The following PI4KA variants were observed in gnomAD, a reference collection of about 807,000 sequenced individuals.
The protein encoded by PI4KA is phosphatidylinositol 4-kinase alpha.
A neutral mutation model predicts 271.4 loss-of-function variants in PI4KA; 122 were observed. The observed-to-expected ratio is 0.45, with a 90% CI of 0.39 to 0.52. The LOEUF is 0.52. Among genes scored for constraint, PI4KA ranks in the 20% least tolerant of loss-of-function variants. The pLI is 0.00. For synonymous variants in PI4KA, 1,041 were observed against 1,078.8 expected, an observed-to-expected ratio of 0.96 and a Z score of 0.69; for missense variants, 1,969 against 2,769.1, an observed-to-expected ratio of 0.71 and a Z score of 6.48.
At chr22:20,765,925 G>A (rs142226928) in intron 19 of PI4KA, among the ~76,000 whole-genome samples, 4 of 152,188 alleles carry the variant, frequency 2.6e-5, no homozygotes, top group Admixed American at 1.3e-4. Flanking sequence ...AAAAAGCCCT[G>A]TTCCTGCACT....
Position 20,727,079 on chromosome 22 carries a change from A to G in PI4KA, c.4941+151T>C, listed in dbSNP as rs577950214. ...ACACATTTGAATTAGAACTAAATCC[A>G]TCTTCTACAACTACTTGAGCAAAAA... On this transcript the variant is annotated intron_variant, in intron 41 of 54. Coordinates refer to ENST00000255882, the MANE Select transcript of PI4KA (RefSeq NM_058004.4). 5 of 621,166 alleles carry G rather than the reference A, an allele frequency of 8.0e-6. No homozygotes were observed. The South Asian group carries it at 9.0e-5, about 11-fold the overall frequency. 38.5% of individuals were successfully genotyped at this position (621,166 alleles called of 1,614,324 possible).
intron 41 of PI4KA, among the ~76,000 whole-genome samples, chr22:20,726,869 T>C (rs1304459438): frequency 1.3e-5 from 2 of 152,082 alleles, no homozygotes; most frequent in Admixed American, 6.6e-5. Context: ...GTGGGCTCCC[T>C]GGGCTCCCAC....
At chr22:20,852,401 G>A (rs567701520) in intron 1 of PI4KA, among the ~76,000 whole-genome samples, 2 of 152,234 alleles carry the variant, frequency 1.3e-5, no homozygotes, top group South Asian at 2.1e-4. Context: ...AAGTGGCCTC[G>A]GAAGAAATCA....
Position 20,838,746 on chromosome 22 carries a change from C to A in PI4KA, c.157-15G>T, listed in dbSNP as rs768048450. ...AGCTTTTGGACCTAGAAAATGAGAC[C>A]CCCCCAAAAACAGCTCTACAAAATA... On this transcript the variant is annotated splice_polypyrimidine_tract_variant and intron_variant, in intron 1 of 54. Transcript: ENST00000255882. 14 of 1,485,556 alleles carry A rather than the reference C, an allele frequency of 9.4e-6. No individual in the cohort carries two copies. The highest frequency in any genetic ancestry group is 1.3e-5 in the Non-Finnish European group (14 of 1,066,608). 92.0% of individuals were successfully genotyped at this position (1,485,556 alleles called of 1,614,324 possible). A position where few individuals can be genotyped will look rare whatever the true frequency, so the allele number is the denominator to read the frequency against.
chr22:20,739,255 A>C (rs1929111110), intron 32 of PI4KA, among the ~76,000 whole-genome samples: 1 of 151,560 alleles, frequency 6.6e-6, no homozygotes, highest in Non-Finnish European at 1.5e-5. Flanking sequence ...CTGAGACAGG[A>C]GAATGGCGTG....
At chr22:20,795,554 A>G (rs751010876) in intron 18 of PI4KA, among the ~76,000 whole-genome samples, 10 of 152,240 alleles carry the variant, frequency 6.6e-5, no homozygotes, top group Non-Finnish European at 1.3e-4. Context: ...TCTTCTGTTC[A>G]AATATTCAAT....
intron 18 of PI4KA, among the ~76,000 whole-genome samples, chr22:20,793,570 T>C (rs575470437): frequency 6.6e-6 from 1 of 151,948 alleles, no homozygotes; most frequent in Non-Finnish European, 1.5e-5. Context: ...ACAGCACATG[T>C]CAAATGAAAA....
At chr22:20,771,303 G>T (rs1399360630) in intron 19 of PI4KA, among the ~76,000 whole-genome samples, 1 of 151,846 alleles carries the variant, frequency 6.6e-6, no homozygotes, top group Non-Finnish European at 1.5e-5. Context: ...GGCACCTGTA[G>T]TCCCAGCTAC....
At chr22:20,791,037 C>T (rs1934613086) in intron 19 of PI4KA, among the ~76,000 whole-genome samples, 1 of 152,158 alleles carries the variant, frequency 6.6e-6, no homozygotes, top group Non-Finnish European at 1.5e-5. Context: ...ACACACGATC[C>T]CACATGTAGG....
At position 20,813,410 on chromosome 22, in the gene PI4KA, G is replaced by A. The variant is rs1007055157; in HGVS notation, c.953C>T (p.Thr318Ile). 5 of 1,613,356 alleles carry A rather than the reference G, an allele frequency of 3.1e-6. No homozygotes were observed. The African/African-American group carries it at 5.3e-5, about 17-fold the overall frequency. ...CAATGGAATGTTAAACTCCTTATAT[G>A]TGACACCGTTGAAAAGGGGAGAGAC... ...FSVSPLFNGV[T>I]YKEFNIPLEM... The change falls in exon 8 of 55, where the codon ACA (threonine) becomes ATA (isoleucine). Residue 318 changes from threonine to isoleucine, a missense_variant. Physicochemically the swap from Thr to Ile is moderately conservative, Grantham distance 89. Transcript: ENST00000255882.
intron 4 of PI4KA, among the ~76,000 whole-genome samples, chr22:20,823,204 G>A (rs1255877120): frequency 2.0e-5 from 3 of 152,090 alleles, no homozygotes; most frequent in African/African-American, 4.8e-5. Flanking sequence ...CTGAGCCACC[G>A]CACCCAGCCA....
intron 14 of PI4KA, among the ~76,000 whole-genome samples, chr22:20,800,333 GA>G (rs1430217154): frequency 6.6e-6 from 1 of 152,180 alleles, no homozygotes; most frequent in East Asian, 1.9e-4. Flanking sequence ...TCCAGGGAAA[GA>G]AGTATTTGCA....
chr22:20,768,685 C>T (rs1932749355), intron 19 of PI4KA, among the ~76,000 whole-genome samples: 1 of 152,184 alleles, frequency 6.6e-6, no homozygotes, highest in Non-Finnish European at 1.5e-5. Flanking sequence ...CACACCTCTG[C>T]TTGAGAGCCG....
chr22:20,759,817 G>A (rs986573828), intron 23 of PI4KA, among the ~76,000 whole-genome samples: 1 of 151,958 alleles, frequency 6.6e-6, no homozygotes, highest in Non-Finnish European at 1.5e-5. Flanking sequence ...TGCCTGCCTC[G>A]GCCTCTCAAA....
At chr22:20,856,901 G>A (rs1325873836) in intron 1 of PI4KA, among the ~76,000 whole-genome samples, 1 of 152,192 alleles carries the variant, frequency 6.6e-6, no homozygotes, top group African/African-American at 2.4e-5. Flanking sequence ...TGGAGCTGCA[G>A]GACCAGCTTC....
intron 19 of PI4KA, among the ~76,000 whole-genome samples, chr22:20,786,615 G>C (rs1034997077): frequency 1.3e-5 from 2 of 152,186 alleles, no homozygotes; most frequent in African/African-American, 4.8e-5. Context: ...TGGAGCTGGG[G>C]TGGCTGTCCT....
At chr22:20,763,162 C>T in intron 22 of PI4KA, among the ~76,000 whole-genome samples, 1 of 149,852 alleles carries the variant, frequency 6.7e-6, no homozygotes, top group Middle Eastern at 3.6e-3. Flanking sequence ...GCCCAGGCTG[C>T]AGTGCAGTGG....
chr22:20,828,718 C>T (rs986061962), intron 3 of PI4KA, among the ~76,000 whole-genome samples: 1 of 152,008 alleles, frequency 6.6e-6, no homozygotes. Flanking sequence ...CCATGCCTGG[C>T]TAATTTTTTG....
chr22:20,713,252 A>C, intron 48 of PI4KA, 29 bp downstream of exon 48: 1 of 1,486,230 alleles, frequency 6.7e-7, no homozygotes. Flanking sequence ...CCCAGTCCCC[A>C]AGCCTACTCG....
Sources: allele counts gnomAD v4.1 joint callset (sites outside exome capture counted in the v4.1 genomes callset), GRCh38; gene constraint gnomAD v4.1.1; transcripts MANE v1.5; gene names NCBI Gene and HGNC (gene_info 2026-07-23, HGNC 2026-07-21).